The following ARMC8 variants were observed in gnomAD, a reference collection of about 807,000 sequenced individuals.
ARMC8 encodes the protein armadillo repeat-containing protein 8.
In ARMC8, 20 loss-of-function variants were observed where a neutral mutation model predicts 99.3. That is an observed-to-expected ratio of 0.20 (90% CI 0.14 to 0.29). ARMC8 has a LOEUF of 0.29. Among genes scored for constraint, ARMC8 ranks in the 10% least tolerant of loss-of-function variants. ARMC8 has a pLI of 1.00. For synonymous variants in ARMC8, 263 were observed against 278.3 expected (o/e 0.95, Z 0.55); for missense variants, 569 against 809.5 (o/e 0.70, Z 3.60).
At chr3:138,277,609 T>C (rs912157794) in intron 18 of ARMC8, among the ~76,000 whole-genome samples, 12 of 152,134 alleles carry the variant, frequency 7.9e-5, no homozygotes, top group African/African-American at 2.7e-4. Flanking sequence ...CAATAAAATA[T>C]CACTATGCAT....
intron 10 of ARMC8, among the ~76,000 whole-genome samples, chr3:138,240,104 T>C (rs1357899240): frequency 6.6e-6 from 1 of 152,200 alleles, no homozygotes; most frequent in African/African-American, 2.4e-5. Flanking sequence ...ACATCCTTTA[T>C]TCTTTTGATG....
At position 138,298,148 on chromosome 3, in the gene ARMC8, T is replaced by G. The variant is rs895305172; in HGVS notation, c.*2256T>G. The G allele has an allele frequency of 6.6e-6, 1 of 152,250 alleles. No individual in the cohort carries two copies. Among genetic ancestry groups the G allele is most frequent in the Non-Finnish European group, 1.5e-5 (1 of 68,034 alleles). 9.4% of individuals were successfully genotyped at this position (152,250 alleles called of 1,614,324 possible). A position where few individuals can be genotyped will look rare whatever the true frequency, so the allele number is the denominator to read the frequency against. ...AGTGGGAAGAGTGGACATGGTATTG[T>G]GTCTACACCCAAGTTCTTAACTAAG... On this transcript the variant is annotated 3_prime_UTR_variant, in exon 22 of 22. Transcript: ENST00000469044.
intron 18 of ARMC8, among the ~76,000 whole-genome samples, chr3:138,279,653 G>T (rs965830119): frequency 1.3e-5 from 2 of 152,106 alleles, no homozygotes; most frequent in Admixed American, 1.3e-4. Flanking sequence ...CTACCAGTTG[G>T]AATCATCTGG....
At chr3:138,218,838 T>G (rs1301248883) in intron 2 of ARMC8, among the ~76,000 whole-genome samples, 1 of 152,154 alleles carries the variant, frequency 6.6e-6, no homozygotes, top group East Asian at 1.9e-4. Context: ...ACATTAAAAG[T>G]TAGTGGGCAT....
intron 1 of ARMC8, among the ~76,000 whole-genome samples, chr3:138,195,451 T>C (rs535823941): frequency 9.2e-5 from 14 of 152,332 alleles, no homozygotes; most frequent in African/African-American, 2.4e-4. Context: ...AGATAGTGCA[T>C]GTTCAGGAAG....
At chr3:138,253,990 C>T (rs1350032042) in intron 12 of ARMC8, among the ~76,000 whole-genome samples, 4 of 152,198 alleles carry the variant, frequency 2.6e-5, no homozygotes, top group African/African-American at 7.2e-5. Context: ...AGATTTCTTA[C>T]CTTCTAAAAT....
chr3:138,271,798 C>CTTTCTTT (rs1018824241), intron 16 of ARMC8, among the ~76,000 whole-genome samples: 2 of 136,134 alleles, frequency 1.5e-5, no homozygotes, highest in African/African-American at 5.7e-5. Context: ...TTTTTTCTTT[C>CTTTCTTT]TTTTTTTTTT....
At chr3:138,286,932 C>G (rs951658006) in intron 19 of ARMC8, among the ~76,000 whole-genome samples, 6 of 152,186 alleles carry the variant, frequency 3.9e-5, no homozygotes, top group Admixed American at 3.9e-4. Context: ...ATTTCTCCAG[C>G]TCTGTCCCCT....
intron 6 of ARMC8, among the ~76,000 whole-genome samples, chr3:138,232,378 C>T (rs1383299565): frequency 6.6e-6 from 1 of 151,982 alleles, no homozygotes; most frequent in Non-Finnish European, 1.5e-5. Flanking sequence ...AAGAATTTGA[C>T]GGAAAAAAGT....
chr3:138,271,391 C>T (rs184230982), intron 16 of ARMC8, among the ~76,000 whole-genome samples: 1 of 152,282 alleles, frequency 6.6e-6, no homozygotes, highest in Admixed American at 6.5e-5. Context: ...GTTTCAACTT[C>T]CCCTAATAGG....
chr3:138,190,452 A>G (rs1021491567), intron 1 of ARMC8, among the ~76,000 whole-genome samples: 53 of 151,704 alleles, frequency 3.5e-4, no homozygotes, highest in African/African-American at 1.1e-3. Flanking sequence ...ATGCCTGGCT[A>G]ATTTTTTTGT....
chr3:138,203,068 T>C (rs1474186179), intron 1 of ARMC8, among the ~76,000 whole-genome samples: 1 of 152,220 alleles, frequency 6.6e-6, no homozygotes, highest in African/African-American at 2.4e-5. Flanking sequence ...TTAGGACATC[T>C]CACTAGTTTC....
At chr3:138,200,401 CAT>C (rs1576590873) in intron 1 of ARMC8, among the ~76,000 whole-genome samples, 1 of 152,184 alleles carries the variant, frequency 6.6e-6, no homozygotes, top group Admixed American at 6.5e-5. Flanking sequence ...TCTTTATTCA[CAT>C]GAGTTACATT....
chr3:138,208,589 G>C (rs2044520664), intron 1 of ARMC8, among the ~76,000 whole-genome samples: 2 of 152,222 alleles, frequency 1.3e-5, no homozygotes, highest in Middle Eastern at 6.8e-3. Context: ...ACTGTGTCTT[G>C]GTAATTAACT....
intron 21 of ARMC8, among the ~76,000 whole-genome samples, chr3:138,295,260 A>G (rs1158647097): frequency 6.6e-6 from 1 of 152,214 alleles, no homozygotes; most frequent in East Asian, 1.9e-4. Context: ...AACAACACAC[A>G]TCTCACATTG....
At chr3:138,266,442 G>C (rs547688356) in intron 14 of ARMC8, among the ~76,000 whole-genome samples, 1 of 152,230 alleles carries the variant, frequency 6.6e-6, no homozygotes, top group Admixed American at 6.5e-5. Flanking sequence ...TTTTATAGTT[G>C]AGGAATTCAT....
chr3:138,269,078 G>A (rs754243046), intron 15 of ARMC8, among the ~76,000 whole-genome samples: 21 of 152,166 alleles, frequency 1.4e-4, no homozygotes, highest in Non-Finnish European at 1.9e-4. Context: ...TACATAGTAC[G>A]AGAGAGATGA....
chr3:138,255,212 T>TG (rs2047328261), intron 12 of ARMC8, among the ~76,000 whole-genome samples: 3 of 147,336 alleles, frequency 2.0e-5, no homozygotes, highest in African/African-American at 5.0e-5. Flanking sequence ...TTTTGTTTTT[T>TG]TTTTTTTTGA....
chr3:138,200,816 G>T (rs1188202809), intron 1 of ARMC8, among the ~76,000 whole-genome samples: 1 of 151,094 alleles, frequency 6.6e-6, no homozygotes, highest in Non-Finnish European at 1.5e-5. Context: ...GCTGGGTCTA[G>T]CCCTTAATAT....
Sources: allele counts gnomAD v4.1 joint callset (sites outside exome capture counted in the v4.1 genomes callset), GRCh38; gene constraint gnomAD v4.1.1; transcripts MANE v1.5; gene names NCBI Gene and HGNC (gene_info 2026-07-23, HGNC 2026-07-21).